The following TLN2 variants were observed in gnomAD, a reference collection of about 807,000 sequenced individuals.
TLN2 encodes talin-2.
In TLN2, 118 loss-of-function variants were observed where a neutral mutation model predicts 294.7. That is an observed-to-expected ratio of 0.40 (90% CI 0.34 to 0.47). The LOEUF is 0.47. Among genes scored for constraint, TLN2 ranks in the 20% least tolerant of loss-of-function variants. The probability of loss-of-function intolerance (pLI) is 0.84; values close to 1 mark genes in which losing one functional copy is unlikely to be tolerated. For synonymous variants in TLN2, 1,431 were observed against 1,304.5 expected (o/e 1.10, Z -2.09); for missense variants, 3,083 against 3,282.2 (o/e 0.94, Z 1.48).
intron 54 of TLN2, among the ~76,000 whole-genome samples, chr15:62,821,883 A>G (rs2067596973): frequency 6.6e-6 from 1 of 152,178 alleles, no homozygotes; most frequent in African/African-American, 2.4e-5. Context: ...TGTACTTTAA[A>G]CTTAAGAGTC....
chr15:62,485,406 T>C (rs2038335469), intron 1 of TLN2, among the ~76,000 whole-genome samples: 1 of 152,188 alleles, frequency 6.6e-6, no homozygotes, highest in Non-Finnish European at 1.5e-5. Context: ...TTTGCTGTGC[T>C]GTTCGATGCC....
chr15:62,465,860 C>A (rs2037106380), intron 1 of TLN2, among the ~76,000 whole-genome samples: 1 of 152,128 alleles, frequency 6.6e-6, no homozygotes, highest in African/African-American at 2.4e-5. Context: ...GGAAATGAAG[C>A]TTCCATGTCT....
At chr15:62,510,807 T>C (rs1297886092) in intron 1 of TLN2, among the ~76,000 whole-genome samples, 1 of 152,232 alleles carries the variant, frequency 6.6e-6, no homozygotes, top group Admixed American at 6.5e-5. Context: ...ATTAATAGAA[T>C]GTGTTTTTAT....
At chr15:62,653,547 A>G (rs982133414) in intron 7 of TLN2, among the ~76,000 whole-genome samples, 4 of 152,090 alleles carry the variant, frequency 2.6e-5, no homozygotes, top group African/African-American at 9.7e-5. Flanking sequence ...AATATGGTGA[A>G]ACCTCATCTC....
chr15:62,720,302 G>A lies in TLN2; in HGVS notation c.2991+422G>A, dbSNP rs74601199. Reference sequence around the variant, plus strand: ...CTCCAAAGATATGATCGTTCTTTGTGGCAATTGTACAGTTAGTATTGTCAG... The same window carrying A: ...CTCCAAAGATATGATCGTTCTTTGTAGCAATTGTACAGTTAGTATTGTCAG... On this transcript the variant is annotated intron_variant, in intron 25 of 58. Transcript: ENST00000636159. Among the ~76,000 whole-genome samples, 909 of 152,292 alleles carry A rather than the reference G, an allele frequency of 6.0e-3. 10 individuals carry two copies. The highest frequency in any genetic ancestry group is 0.021 in the African/African-American group (867 of 41,550).
At chr15:62,479,193 C>T (rs757636700) in intron 1 of TLN2, among the ~76,000 whole-genome samples, 8 of 152,190 alleles carry the variant, frequency 5.3e-5, no homozygotes, top group Non-Finnish European at 1.2e-4. Context: ...ATTCAAATCC[C>T]AGCTCTGTAA....
At chr15:62,404,587 C>G (rs970901975) in intron 1 of TLN2, among the ~76,000 whole-genome samples, 2 of 152,296 alleles carry the variant, frequency 1.3e-5, no homozygotes, top group East Asian at 3.9e-4. Flanking sequence ...CTTCTTTCTT[C>G]ATTTGCATTG....
At chr15:62,818,999 G>A (rs1259745190) in intron 52 of TLN2, among the ~76,000 whole-genome samples, 1 of 152,060 alleles carries the variant, frequency 6.6e-6, no homozygotes, top group African/African-American at 2.4e-5. Flanking sequence ...GGGACTACAG[G>A]TGTGTGCCAC....
At position 62,809,912 on chromosome 15, in the gene TLN2, T is replaced by C; in HGVS notation, c.6664-13T>C. 2 of 1,613,380 alleles carry C rather than the reference T, an allele frequency of 1.2e-6. No individual in the cohort carries two copies. Among genetic ancestry groups the C allele is most frequent in the Non-Finnish European group, 1.7e-6 (2 of 1,179,438 alleles). On this transcript the variant is annotated splice_polypyrimidine_tract_variant and intron_variant, in intron 51 of 58. Transcript: ENST00000636159. ...TCCCATGTTAAGATTTCAGCATTCC[T>C]TTCTCTCTCCAGCAAGCATCCTTCC...
At chr15:62,696,928 C>A (rs2058381744) in intron 14 of TLN2, among the ~76,000 whole-genome samples, 1 of 152,082 alleles carries the variant, frequency 6.6e-6, no homozygotes, top group African/African-American at 2.4e-5. Flanking sequence ...TTCCACATTT[C>A]CCCTTTCAAG....
At chr15:62,696,930 C>T (rs2058382134) in intron 14 of TLN2, among the ~76,000 whole-genome samples, 1 of 152,092 alleles carries the variant, frequency 6.6e-6, no homozygotes, top group Non-Finnish European at 1.5e-5. Context: ...CCACATTTCC[C>T]CTTTCAAGCT....
At chr15:62,568,785 C>T (rs1169856196) in intron 1 of TLN2, among the ~76,000 whole-genome samples, 8 of 152,206 alleles carry the variant, frequency 5.3e-5, no homozygotes, top group African/African-American at 1.9e-4. Flanking sequence ...AGCTCTCCTG[C>T]AGCTGCTGGA....
At position 62,716,320 on chromosome 15, in the gene TLN2, T is replaced by C; in HGVS notation, c.2635-11T>C. ...CTGGACCACTTGAAATCTTTATTTT[T>C]GCCTTTGCAGGGGGCTGCAGCCAAC... On this transcript the variant is annotated splice_polypyrimidine_tract_variant and intron_variant, in intron 22 of 58. Transcript: ENST00000636159. 1 of 1,577,718 alleles carries C rather than the reference T, an allele frequency of 6.3e-7. No homozygotes were observed.
intron 1 of TLN2, among the ~76,000 whole-genome samples, chr15:62,421,806 TG>T (rs2034418191): frequency 6.6e-6 from 1 of 152,106 alleles, no homozygotes; most frequent in African/African-American, 2.4e-5. Context: ...CATGTAACCC[TG>T]AACTTAAAAG....
At position 62,755,438 on chromosome 15, in the gene TLN2, A is replaced by G. The variant is rs1040146161; in HGVS notation, c.4477-94A>G. 3.2e-5 allele frequency: 46 copies of G among 1,444,408 alleles called. 1 individual carries two copies. The Middle Eastern group carries it at 1.5e-3, about 46-fold the overall frequency. 89.5% of individuals were successfully genotyped at this position (1,444,408 alleles called of 1,614,324 possible). A position where few individuals can be genotyped will look rare whatever the true frequency, so the allele number is the denominator to read the frequency against. On this transcript the variant is annotated intron_variant, in intron 36 of 58. Coordinates refer to ENST00000636159, the MANE Select transcript of TLN2 (RefSeq NM_015059.3). ...GCTTGTAATTACACAGGCTCTGAAC[A>G]TGTGAGTTGAACAGGAACCCAGGGC... is the stretch of plus-strand genomic sequence containing the variant.
chr15:62,506,824 T>G (rs1320670315), intron 1 of TLN2, among the ~76,000 whole-genome samples: 1 of 152,252 alleles, frequency 6.6e-6, no homozygotes, highest in African/African-American at 2.4e-5. Flanking sequence ...GTGAGCAGCA[T>G]GGCATTCAAA....
intron 1 of TLN2, among the ~76,000 whole-genome samples, chr15:62,572,673 G>T (rs777067661): frequency 6.6e-6 from 1 of 152,196 alleles, no homozygotes; most frequent in Non-Finnish European, 1.5e-5. Flanking sequence ...AACTGAGTCC[G>T]GATCGATGCT....
intron 21 of TLN2, among the ~76,000 whole-genome samples, chr15:62,710,142 GT>G (rs2059333222): frequency 6.6e-6 from 1 of 152,106 alleles, no homozygotes; most frequent in South Asian, 2.1e-4. Flanking sequence ...TGGACATTTA[GT>G]TTTTTTGTTT....
chr15:62,470,183 A>T (rs1156360741), intron 1 of TLN2, among the ~76,000 whole-genome samples: 3 of 152,142 alleles, frequency 2.0e-5, no homozygotes, highest in Non-Finnish European at 4.4e-5. Flanking sequence ...CCAAATTCTG[A>T]GGGCTCACTT....
Sources: allele counts gnomAD v4.1 joint callset (sites outside exome capture counted in the v4.1 genomes callset), GRCh38; gene constraint gnomAD v4.1.1; transcripts MANE v1.5; gene names NCBI Gene and HGNC (gene_info 2026-07-23, HGNC 2026-07-21).